CCDC124: variants seen among roughly 807,000 people sequenced by gnomAD.
CCDC124 encodes coiled-coil domain containing 124.
Under a neutral mutation model 19.8 loss-of-function variants are expected in CCDC124, and 9 were observed. The ratio of observed to expected loss-of-function variants is 0.45; its 90% CI spans 0.27 to 0.79. CCDC124 has a LOEUF of 0.79. Among genes scored for constraint, CCDC124 ranks in the 30% least tolerant of loss-of-function variants. CCDC124 has a pLI of 0.14. For synonymous variants in CCDC124, 126 were observed against 131.3 expected (o/e 0.96, Z 0.27); for missense variants, 285 against 319.0 (o/e 0.89, Z 0.81).
In CCDC124 at chr19:17,943,241, T is replaced by TCGGGGGGGGGCC; in HGVS notation, c.350-19_350-18insGGGGGGGGGCCC. ...CTTTGCTTATCTCTCTCTGTCTCTGTCACCCACCCACCCGCCCAGCCGAGA... is the reference window on the plus strand; with the variant it reads ...CTTTGCTTATCTCTCTCTGTCTCTGTCGGGGGGGGGCCCACCCACCCACCCGCCCAGCCGAGA... On this transcript the variant is annotated intron_variant, in intron 3 of 4. Coordinates refer to ENST00000445755, the MANE Select transcript of CCDC124 (RefSeq NM_001136203.2). 1.2e-5 allele frequency: 9 copies of TCGGGGGGGGGCC among 736,678 alleles called. No individual in the cohort carries two copies. Among genetic ancestry groups the TCGGGGGGGGGCC allele is most frequent in the Non-Finnish European group, 1.9e-5 (8 of 414,970 alleles). The allele number at this position is 736,678 out of a possible 1,614,324, so 45.6% of individuals were successfully genotyped here.
chr19:17,936,486 C>G lies in CCDC124; in HGVS notation c.66C>G (p.Ala22=). Residue 22 remains alanine (A), a synonymous_variant, in exon 2 of 5, where the codon GCC becomes GCG. Coordinates refer to ENST00000445755, the MANE Select transcript of CCDC124 (RefSeq NM_001136203.2). ...SAAARARRAE[A]KAAADAKKQK... ...CGGCCCGGGCACGTAGGGCAGAGGC[C>G]AAGGCGGCCGCTGATGCCAAGAAGC... The G allele has an allele frequency of 6.2e-7, 1 of 1,613,138 alleles. No homozygotes were observed. The highest frequency in any genetic ancestry group is 8.5e-7 in the Non-Finnish European group (1 of 1,179,778).
At chr19:17,936,782 A>C (rs2031075387) in intron 2 of CCDC124, 1 of 553,384 alleles carries the variant, frequency 1.8e-6, no homozygotes, top group South Asian at 2.7e-5. Flanking sequence ...GGAGTTCAAG[A>C]TCAGCCTGGC....
At chr19:17,936,280 C>G in intron 1 of CCDC124, 130 bp from the exon 2 acceptor site, 2 of 739,978 alleles carry the variant, frequency 2.7e-6, no homozygotes, top group South Asian at 3.9e-5. Flanking sequence ...AAGTCCAAAG[C>G]CCTTGTTTTA....
rs1202276899 is a variant in CCDC124, at chr19:17,942,881, C to G, written c.349+36C>G. On this transcript the variant is annotated intron_variant, in intron 3 of 4. Coordinates refer to ENST00000445755, the MANE Select transcript of CCDC124 (RefSeq NM_001136203.2). This position sits in a 1 kb window ranked among gnomAD's most constrained non-coding sequence, Gnocchi z 4.2. ...ATCCCGCTCTGGAGCTGCACTTTTG[C>G]CCACTGCAGAGGCAGTGGACCTTGA... is the stretch of plus-strand genomic sequence containing the variant. The G allele has an allele frequency of 6.8e-7, 1 of 1,472,406 alleles. No individual in the cohort carries two copies. 91.2% of individuals were successfully genotyped at this position (1,472,406 alleles called of 1,614,324 possible). A position where few individuals can be genotyped will look rare whatever the true frequency, so the allele number is the denominator to read the frequency against.
intron 2 of CCDC124, 137 bp downstream of exon 2, chr19:17,936,716 C>A: frequency 3.7e-6 from 4 of 1,071,602 alleles, no homozygotes; most frequent in South Asian, 1.7e-5. Flanking sequence ...CGCTGTCGCT[C>A]ACGCCTGTCA....
At chr19:17,933,499 G>A (rs182004728) in intron 1 of CCDC124, among the ~76,000 whole-genome samples, 8 of 152,268 alleles carry the variant, frequency 5.3e-5, no homozygotes, top group Admixed American at 5.2e-4. Flanking sequence ...CCCTCGCCCA[G>A]CCTGAGCCAC....
chr19:17,940,226 G>C (rs1416053153), intron 2 of CCDC124, among the ~76,000 whole-genome samples: 1 of 151,982 alleles, frequency 6.6e-6, no homozygotes, highest in Non-Finnish European at 1.5e-5. Context: ...TAAGAGATTT[G>C]ATTAAGGGAC....
intron 2 of CCDC124, among the ~76,000 whole-genome samples, chr19:17,939,508 C>G (rs2147780096): frequency 6.6e-6 from 1 of 152,298 alleles, no homozygotes; most frequent in South Asian, 2.1e-4. Flanking sequence ...TGCGTCTTGG[C>G]CACTGGGGTT....
intron 2 of CCDC124, among the ~76,000 whole-genome samples, chr19:17,937,400 G>T (rs2031089544): frequency 6.6e-6 from 1 of 152,208 alleles, no homozygotes; most frequent in African/African-American, 2.4e-5. Flanking sequence ...GGACAGTGAG[G>T]CTGTCATTGC....
At chr19:17,940,434 A>T (rs1219169610) in intron 2 of CCDC124, among the ~76,000 whole-genome samples, 2 of 152,128 alleles carry the variant, frequency 1.3e-5, no homozygotes, top group South Asian at 2.1e-4. Flanking sequence ...CACCACTGAC[A>T]GTAGGTTAGC....
chr19:17,936,857 CA>C (rs2031077360), intron 2 of CCDC124: 1 of 298,596 alleles, frequency 3.3e-6, no homozygotes, highest in Admixed American at 4.9e-5. Flanking sequence ...CGCACACTTA[CA>C]GTCCCAGCTA....
chr19:17,933,665 C>T (rs2030993495), intron 1 of CCDC124, among the ~76,000 whole-genome samples: 1 of 152,162 alleles, frequency 6.6e-6, no homozygotes, highest in Non-Finnish European at 1.5e-5. Flanking sequence ...CCCCCTTTTC[C>T]AGCCTACCTC....
Position 17,943,625 on chromosome 19 carries a change from G to A in CCDC124, c.582G>A (p.Ser194=), listed in dbSNP as rs1468564825. 1.9e-6 allele frequency: 3 copies of A among 1,612,924 alleles called. No homozygotes were observed. Among genetic ancestry groups the A allele is most frequent in the Non-Finnish European group, 2.5e-6 (3 of 1,179,950 alleles). ...AAGAGAACCCCAACATGCGGCTGTC[G>A]CAGCTGAAACAGCTGCTCAAGAAGG... ...LKQENPNMRL[S]QLKQLLKKEW... is the part of the protein sequence containing the mutation. Residue 194 remains serine, a synonymous_variant, in exon 5 of 5, where the codon TCG becomes TCA. Coordinates refer to ENST00000445755, the MANE Select transcript of CCDC124 (RefSeq NM_001136203.2).
Position 17,942,161 on chromosome 19 carries a change from G to A in CCDC124, c.160-495G>A, listed in dbSNP as rs1177665356. On this transcript the variant is annotated intron_variant, in intron 2 of 4. Coordinates refer to ENST00000445755, the MANE Select transcript of CCDC124 (RefSeq NM_001136203.2). This position sits in a 1 kb window ranked among gnomAD's most constrained non-coding sequence, Gnocchi z 4.2. ...GTGCTGCCCGACTCATAAGGGCAGA[G>A]CCCCTGCCCTAGCCTGAAACGGGTC... Among the ~76,000 whole-genome samples the A allele has an allele frequency of 4.6e-5, 7 of 152,134 alleles. No homozygotes were observed. Among genetic ancestry groups the A allele is most frequent in the Admixed American group, 4.6e-4 (7 of 15,272 alleles).
In CCDC124 at chr19:17,942,572, C is replaced by A; in HGVS notation, c.160-84C>A. On this transcript the variant is annotated intron_variant, in intron 2 of 4. Transcript: ENST00000445755. The surrounding 1 kb of genome is among the most constrained non-coding windows in gnomAD (Gnocchi z 4.2). ...AGCACAGAGCCTAAATCCTCGTTGG[C>A]TGAGATGAAAACTCGAACCCCAGGC... The A allele has an allele frequency of 6.9e-7, 1 of 1,446,022 alleles. No individual in the cohort carries two copies. The allele number at this position is 1,446,022 out of a possible 1,614,324, so 89.6% of individuals were successfully genotyped here. A position where few individuals can be genotyped will look rare whatever the true frequency, so the allele number is the denominator to read the frequency against.
rs1008683667 is a variant in CCDC124, at chr19:17,942,653, CAGG to C, written c.163_165del (p.Glu55del). 1.6e-5 allele frequency: 25 copies of C among 1,554,060 alleles called. No homozygotes were observed. The highest frequency in any genetic ancestry group is 2.4e-5 in the South Asian group (2 of 84,368). ...TGCCTGACCATGCACGCCGCCCCCG[CAGG>C]AGGAGAAGGAGAAGCGGCGCCTCGA... On this transcript the variant is annotated splice_acceptor_variant and coding_sequence_variant, in exon 3 of 5. Coordinates refer to ENST00000445755, the MANE Select transcript of CCDC124 (RefSeq NM_001136203.2). LOFTEE classifies it high-confidence loss of function. This position sits in a 1 kb window ranked among gnomAD's most constrained non-coding sequence, Gnocchi z 4.2.
chr19:17,934,422 A>G (rs1420455020), intron 1 of CCDC124, among the ~76,000 whole-genome samples: 1 of 151,778 alleles, frequency 6.6e-6, no homozygotes, highest in Non-Finnish European at 1.5e-5. Context: ...AACAGCCCAA[A>G]TGTCTAGCTG....
At chr19:17,936,329 T>C (rs1433455811) in intron 1 of CCDC124, 81 bp from the exon 2 acceptor site, 1 of 1,219,644 alleles carries the variant, frequency 8.2e-7, no homozygotes, top group Non-Finnish European at 1.1e-6. Flanking sequence ...GGGTCATGGC[T>C]GCCCAAGTGT....
rs977419775 is a variant in CCDC124, at chr19:17,942,432, GTC to G, written c.160-223_160-222del. 1.1e-4 allele frequency among the ~76,000 whole-genome samples: 17 copies of G among 152,258 alleles called. No individual in the cohort carries two copies. Among genetic ancestry groups the G allele is most frequent in the African/African-American group, 3.9e-4 (16 of 41,548 alleles). On this transcript the variant is annotated intron_variant, in intron 2 of 4. Transcript: ENST00000445755. The surrounding 1 kb of genome is among the most constrained non-coding windows in gnomAD (Gnocchi z 4.2). Reference sequence around the variant, plus strand: ...GCCGGCGCTCTTCGCACCTAGGAGCGTCACTTCTTCAAGAGCCACCCACCCGC... The same window carrying G: ...GCCGGCGCTCTTCGCACCTAGGAGCGACTTCTTCAAGAGCCACCCACCCGC...
Sources: gnomAD v4.1 joint callset for allele counts (sites outside exome capture counted in the v4.1 genomes callset) on GRCh38, gnomAD v4.1.1 for gene constraint, Gnocchi (gnomAD v3.1) non-coding constraint, MANE v1.5 for transcripts, NCBI Gene and HGNC (gene_info 2026-07-23, HGNC 2026-07-21) for gene names.